Variants in TULP4 observed in about 807,000 individuals in gnomAD.
TULP4 encodes the protein TUB like protein 4, also known as tubby-related protein 4.
TULP4 carries 16 observed loss-of-function variants against 129.0 expected under a neutral mutation model. The ratio of observed to expected loss-of-function variants is 0.12; its 90% confidence interval spans 0.08 to 0.19. The LOEUF is 0.19. TULP4 is among the 10% of genes least tolerant of loss of function. TULP4 has a pLI of 1.00. For synonymous variants in TULP4, 998 were observed against 854.0 expected, an observed-to-expected ratio of 1.17 and a Z score of -2.94; for missense variants, 1,842 against 2,059.1, an observed-to-expected ratio of 0.89 and a Z score of 2.04.
At chr6:158,326,634 A>G (rs1481145684) in intron 1 of TULP4, among the ~76,000 whole-genome samples, 8 of 152,186 alleles carry the variant, frequency 5.3e-5, no homozygotes, top group African/African-American at 1.9e-4. Context: ...CACACTTGAT[A>G]GTTTGGCTGG....
At chr6:158,272,265 T>C (rs1054815689) in intron 1 of TULP4, among the ~76,000 whole-genome samples, 1 of 152,352 alleles carries the variant, frequency 6.6e-6, no homozygotes, top group Non-Finnish European at 1.5e-5. Flanking sequence ...ACCAATGTTT[T>C]TATCATCAGA....
chr6:158,327,799 T>C (rs1466981264), intron 1 of TULP4, among the ~76,000 whole-genome samples: 1 of 152,050 alleles, frequency 6.6e-6, no homozygotes, highest in African/African-American at 2.4e-5. Context: ...ATAATTGAGG[T>C]CTTCTTTAAA....
chr6:158,243,145 TC>T, intron 1 of TULP4, among the ~76,000 whole-genome samples: 2 of 152,214 alleles, frequency 1.3e-5, no homozygotes, highest in Non-Finnish European at 2.9e-5. Flanking sequence ...AAGCACTGTA[TC>T]TTGCCCAGCT....
At chr6:158,335,841 C>T (rs1821766145) in intron 1 of TULP4, among the ~76,000 whole-genome samples, 1 of 152,182 alleles carries the variant, frequency 6.6e-6, no homozygotes, top group South Asian at 2.1e-4. Context: ...ATATTTTACC[C>T]AACAACTCTC....
chr6:158,299,517 A>G (rs1222419538), intron 1 of TULP4, among the ~76,000 whole-genome samples: 1 of 152,130 alleles, frequency 6.6e-6, no homozygotes, highest in African/African-American at 2.4e-5. Flanking sequence ...CCGGAGACCA[A>G]ATGTCCCCAT....
intron 6 of TULP4, among the ~76,000 whole-genome samples, chr6:158,478,117 AG>A (rs962984216): frequency 6.6e-6 from 1 of 152,158 alleles, no homozygotes; most frequent in African/African-American, 2.4e-5. Context: ...AGGAGGGAGG[AG>A]GGAGAAGATC....
chr6:158,399,761 C>A (rs1223107267), intron 1 of TULP4, among the ~76,000 whole-genome samples: 1 of 152,214 alleles, frequency 6.6e-6, no homozygotes. Flanking sequence ...CTCAAAGTCC[C>A]AAGTTAGTAG....
chr6:158,410,610 A>G (rs1778076560), intron 1 of TULP4, among the ~76,000 whole-genome samples: 1 of 152,236 alleles, frequency 6.6e-6, no homozygotes, highest in African/African-American at 2.4e-5. Context: ...TAGGGACCAA[A>G]TTGTAGCCAC....
intron 2 of TULP4, among the ~76,000 whole-genome samples, chr6:158,427,485 T>G (rs1408202144): frequency 4.3e-5 from 1 of 23,168 alleles, no homozygotes; most frequent in African/African-American, 9.2e-5. Flanking sequence ...TTTTTTTTTT[T>G]TTTTTTTTTT....
At chr6:158,273,574 T>C (rs536684476) in intron 1 of TULP4, among the ~76,000 whole-genome samples, 2 of 152,332 alleles carry the variant, frequency 1.3e-5, no homozygotes, top group Non-Finnish European at 2.9e-5. Flanking sequence ...AGACTCAACA[T>C]GCCACATCTG....
At chr6:158,476,487 A>G (rs1779823201) in intron 6 of TULP4, among the ~76,000 whole-genome samples, 1 of 152,164 alleles carries the variant, frequency 6.6e-6, no homozygotes, top group African/African-American at 2.4e-5. Flanking sequence ...TGCTTGGCTG[A>G]GAATTCCAAG....
intron 2 of TULP4, among the ~76,000 whole-genome samples, chr6:158,416,796 T>C (rs1018190512): frequency 1.3e-5 from 2 of 152,218 alleles, no homozygotes; most frequent in African/African-American, 4.8e-5. Flanking sequence ...CAAGCTCCAT[T>C]CATGGTAAGT....
chr6:158,437,083 A>G (rs341108), intron 3 of TULP4, among the ~76,000 whole-genome samples: 36,309 of 152,102 alleles, frequency 0.24, 5,603 homozygotes, highest in Non-Finnish European at 0.34. Context: ...CAGTCACTGA[A>G]TGCCTGTGCA....
At chr6:158,426,651 A>G (rs190332133) in intron 2 of TULP4, among the ~76,000 whole-genome samples, 125 of 152,270 alleles carry the variant, frequency 8.2e-4, no homozygotes, top group African/African-American at 2.9e-3. Context: ...GTCAGGTAGC[A>G]TGATGCCTCC....
chr6:158,332,200 AATATATATATATATAT>A (rs776893885), intron 1 of TULP4, among the ~76,000 whole-genome samples: 446 of 17,974 alleles, frequency 0.025, 5 homozygotes, highest in Non-Finnish European at 0.036. Flanking sequence ...AAAAAAAAAA[AATATATATATATATAT>A]ATATATATAT....
At chr6:158,465,499 T>C (rs897659187) in intron 6 of TULP4, among the ~76,000 whole-genome samples, 2 of 152,236 alleles carry the variant, frequency 1.3e-5, no homozygotes, top group African/African-American at 4.8e-5. Context: ...TCAAGTCTTC[T>C]GGATTTGTGC....
At chr6:158,410,945 C>T (rs1029728001) in intron 1 of TULP4, among the ~76,000 whole-genome samples, 1 of 151,986 alleles carries the variant, frequency 6.6e-6, no homozygotes, top group African/African-American at 2.4e-5. Context: ...ATGTCCTAAT[C>T]GCGGTCCTTG....
chr6:158,441,294 CAA>C (rs1251147443), intron 3 of TULP4, among the ~76,000 whole-genome samples: 1 of 152,188 alleles, frequency 6.6e-6, no homozygotes, highest in East Asian at 1.9e-4. Context: ...GCCCAGGTGA[CAA>C]GAGTGAAACT....
chr6:158,433,505 G>A (rs1364328551), intron 3 of TULP4, among the ~76,000 whole-genome samples: 1 of 152,192 alleles, frequency 6.6e-6, no homozygotes, highest in African/African-American at 2.4e-5. Context: ...ACGAGGTCAG[G>A]AGATCGAGAC....
Sources: gnomAD v4.1 joint callset for allele counts (sites outside exome capture counted in the v4.1 genomes callset) on GRCh38, gnomAD v4.1.1 for gene constraint, MANE v1.5 for transcripts, NCBI Gene and HGNC (gene_info 2026-07-23, HGNC 2026-07-21) for gene names.